LRIG3: variants seen among roughly 807,000 people sequenced by gnomAD.
LRIG3 encodes the protein leucine-rich repeats and immunoglobulin-like domains protein 3.
LRIG3 carries 76 observed loss-of-function variants against 114.5 expected under a neutral mutation model. That is an observed-to-expected ratio of 0.66 (90% CI 0.55 to 0.80). The LOEUF (loss-of-function observed/expected upper bound fraction) is 0.80. LRIG3 is among the 30% of genes least tolerant of loss of function. The probability of loss-of-function intolerance (pLI) is 0.00; values close to 1 mark genes in which losing one functional copy is unlikely to be tolerated. For missense variants in LRIG3, 1,239 were observed against 1,382.8 expected (o/e 0.90, Z 1.65); for synonymous variants, 512 against 519.8 (o/e 0.98, Z 0.20).
intron 17 of LRIG3, 35 bp downstream of exon 17, chr12:58,874,395 A>G (rs1870843056): frequency 6.2e-7 from 1 of 1,612,606 alleles, no homozygotes; most frequent in Admixed American, 1.7e-5. Context: ...TCTCTCTAAG[A>G]AACAGAACTG....
chr12:58,919,436 A>G (rs1218491409), intron 1 of LRIG3: 29 of 1,551,528 alleles, frequency 1.9e-5, no homozygotes, highest in Admixed American at 3.9e-5. Context: ...CGGTCTGCTA[A>G]TGTGAAAAAG....
chr12:58,918,112 A>G (rs537535387), intron 1 of LRIG3, among the ~76,000 whole-genome samples: 9 of 152,356 alleles, frequency 5.9e-5, no homozygotes, highest in African/African-American at 2.2e-4. Context: ...GAGCTGTCCA[A>G]TAAGTGATCA....
At position 58,874,433 on chromosome 12, in the gene LRIG3, T is replaced by A. The variant is rs2120865353; in HGVS notation, c.2836A>T (p.Thr946Ser). Reference protein sequence around the residue: ...YGSDPFETYHTGCSPDPRTVL... With the variant: ...YGSDPFETYHSGCSPDPRTVL... ...CTCAAGCAAGAAAACCACCTACCTG[T>A]ATGATATGTTTCAAAAGGATCTGAG... The change falls in exon 17 of 19, where the codon ACA (threonine) becomes TCA (serine). Residue 946 changes from threonine (T) to serine (S), a missense_variant. Transcript: ENST00000320743. 6.2e-7 allele frequency: 1 copy of A among 1,614,170 alleles called. No individual in the cohort carries two copies. Among genetic ancestry groups the A allele is most frequent in the South Asian group, 1.1e-5 (1 of 91,070 alleles).
At chr12:58,883,626 A>G in intron 10 of LRIG3, 35 bp from the exon 11 acceptor site, 1 of 1,474,590 alleles carries the variant, frequency 6.8e-7, no homozygotes, top group Non-Finnish European at 9.2e-7. Context: ...ATCAGAGCAA[A>G]CTACCATCAT....
rs1871432080 is a variant in LRIG3 at position 58,890,795 on chromosome 12, C to A, written c.385G>T (p.Ala129Ser). ...AGTATTTCAACAATCCTGTTTCCAG[C>A]CCTAGAATTAAAAGAAACCACAGTT... Reference protein sequence around the residue: ...VSANITLLSLAGNRIVEILPE... With the variant: ...VSANITLLSLSGNRIVEILPE... Residue 129 changes from alanine to serine, a missense_variant and splice_region_variant, in exon 4 of 19, where the codon GCT (alanine) becomes TCT (serine). Ala to Ser is a moderately conservative substitution (Grantham distance 99, BLOSUM62 1). Transcript: ENST00000320743. 3 of 1,598,434 alleles carry A rather than the reference C, an allele frequency of 1.9e-6. No individual in the cohort carries two copies. The South Asian group carries it at 3.5e-5, about 18-fold the overall frequency.
At chr12:58,875,939 T>A (rs981707529) in intron 16 of LRIG3, among the ~76,000 whole-genome samples, 9 of 152,076 alleles carry the variant, frequency 5.9e-5, no homozygotes, top group African/African-American at 1.9e-4. Flanking sequence ...GTAGTCCCAG[T>A]TACTTGGGAG....
intron 12 of LRIG3, among the ~76,000 whole-genome samples, 177 bp downstream of exon 12, chr12:58,882,692 C>T (rs1314286697): frequency 6.6e-6 from 1 of 152,214 alleles, no homozygotes; most frequent in Non-Finnish European, 1.5e-5. Context: ...TTAGAAAACT[C>T]TCTTTCCCAT....
intron 1 of LRIG3, among the ~76,000 whole-genome samples, chr12:58,915,996 G>A (rs982993989): frequency 6.6e-6 from 1 of 152,108 alleles, no homozygotes; most frequent in Non-Finnish European, 1.5e-5. Flanking sequence ...ATCCCCTATT[G>A]TTTCAGGTCT....
At chr12:58,920,504 CA>C (rs1592316152), upstream of LRIG3, 9 of 337,190 alleles carry the variant, frequency 2.7e-5, no homozygotes, top group East Asian at 3.2e-4. Flanking sequence ...TTCTTGTCTG[CA>C]AAAGAAACTT....
chr12:58,884,551 G>A (rs1871213918), intron 10 of LRIG3, among the ~76,000 whole-genome samples: 1 of 152,160 alleles, frequency 6.6e-6, no homozygotes, highest in Admixed American at 6.6e-5. Flanking sequence ...AACCCTTTTG[G>A]CTAGTTTTCT....
chr12:58,891,492 G>A (rs1311455873), intron 3 of LRIG3, among the ~76,000 whole-genome samples: 4 of 152,174 alleles, frequency 2.6e-5, no homozygotes, highest in African/African-American at 9.7e-5. Context: ...AGGCACTCAT[G>A]AGTTAATTCC....
rs769227488 is a variant in LRIG3, at chr12:58,890,069, C to T, written c.586G>A (p.Val196Met). 1 of 1,613,940 alleles carries T rather than the reference C, an allele frequency of 6.2e-7. No homozygotes were observed. Among genetic ancestry groups the T allele is most frequent in the South Asian group, 1.1e-5 (1 of 91,050 alleles). Residue 196 changes from valine (V) to methionine (M), a missense_variant, in exon 5 of 19, where the codon GTG (valine) becomes ATG (methionine). Physicochemically the swap from Val to Met is conservative, Grantham distance 21. Transcript: ENST00000320743. The part of the protein sequence containing the change: ...YFDNLANTLL[V>M]LKLNRNRISA... ...ATTCGGTTCCTGTTCAGCTTTAACA[C>T]AAGGAGTGTGTTGGCCAAATTGTCA...
At chr12:58,876,683 CT>C in intron 15 of LRIG3, 80 bp from the exon 16 acceptor site, 1 of 1,473,436 alleles carries the variant, frequency 6.8e-7, no homozygotes. Context: ...ATGGCATAGA[CT>C]ATTTTGGCTT....
intron 10 of LRIG3, among the ~76,000 whole-genome samples, chr12:58,885,119 GT>G (rs1369383471): frequency 2.6e-5 from 4 of 152,168 alleles, no homozygotes; most frequent in African/African-American, 9.7e-5. Context: ...AAGAGCTAGT[GT>G]GATGCAGGGA....
In LRIG3 at chr12:58,874,137, T is replaced by A; in HGVS notation, c.3033A>T (p.Lys1011Asn). ...AAGAGGACTTGTTTAGACACAGATT[T>A]TTCATTCCAGGTCCTTCATTGTGAG... ...SYSHNEGPGM[K>N]NLCLNKSSLD... The change falls in exon 18 of 19, where the codon AAA becomes AAT. Residue 1011 changes from lysine (K) to asparagine (N), a missense_variant. By Grantham distance (94) the Lys-to-Asn change is moderately conservative. Transcript: ENST00000320743. 2.5e-6 allele frequency: 4 copies of A among 1,614,194 alleles called. No homozygotes were observed. The highest frequency in any genetic ancestry group is 2.5e-6 in the Non-Finnish European group (3 of 1,180,016).
chr12:58,904,092 A>G (rs891566196), intron 3 of LRIG3, among the ~76,000 whole-genome samples: 11 of 152,074 alleles, frequency 7.2e-5, no homozygotes, highest in Non-Finnish European at 1.2e-4. Flanking sequence ...GTTTTTTCCA[A>G]TTCTGTGAAG....
At chr12:58,904,568 G>A (rs1020446047) in intron 3 of LRIG3, among the ~76,000 whole-genome samples, 1 of 152,144 alleles carries the variant, frequency 6.6e-6, no homozygotes, top group Non-Finnish European at 1.5e-5. Context: ...TCATGCAGGT[G>A]GGAATGAATT....
intron 3 of LRIG3, among the ~76,000 whole-genome samples, chr12:58,910,856 A>T (rs1872249764): frequency 6.6e-6 from 1 of 152,198 alleles, no homozygotes; most frequent in South Asian, 2.1e-4. Flanking sequence ...CACAGATTTC[A>T]ATCATGTCCA....
At chr12:58,912,062 C>A (rs1177607829) in intron 3 of LRIG3, among the ~76,000 whole-genome samples, 2 of 152,174 alleles carry the variant, frequency 1.3e-5, no homozygotes, top group Non-Finnish European at 2.9e-5. Context: ...TGAAATTATT[C>A]AGGGTGATTT....
Sources: gnomAD v4.1 joint callset for allele counts (sites outside exome capture counted in the v4.1 genomes callset) on GRCh38, gnomAD v4.1.1 for gene constraint, MANE v1.5 for transcripts, NCBI Gene and HGNC (gene_info 2026-07-23, HGNC 2026-07-21) for gene names.